Variants in RPTOR observed in about 807,000 individuals in gnomAD.
The protein encoded by RPTOR is regulatory associated protein of MTOR complex 1.
In RPTOR, 21 loss-of-function variants were observed where a neutral mutation model predicts 169.9. The observed-to-expected ratio is 0.12, with a 90% confidence interval of 0.09 to 0.18. RPTOR has a LOEUF of 0.18. RPTOR is among the 10% of genes least tolerant of loss of function. The probability of loss-of-function intolerance (pLI) is 1.00; values close to 1 mark genes in which losing one functional copy is unlikely to be tolerated. For missense variants in RPTOR, 1,133 were observed against 1,855.9 expected, an observed-to-expected ratio of 0.61 and a Z score of 7.16; for synonymous variants, 732 against 753.2, an observed-to-expected ratio of 0.97 and a Z score of 0.46.
intron 7 of RPTOR, 45 bp downstream of exon 7, chr17:80,791,554 G>A (rs2067049260): frequency 6.4e-7 from 1 of 1,559,246 alleles, no homozygotes; most frequent in East Asian, 2.2e-5. Flanking sequence ...GATCTGATGA[G>A]TTTCTTTTCC....
intron 4 of RPTOR, among the ~76,000 whole-genome samples, chr17:80,718,148 C>T (rs184233930): frequency 1.8e-3 from 270 of 152,352 alleles, no homozygotes; most frequent in Admixed American, 3.6e-3. Flanking sequence ...ATGGTGCCCT[C>T]TCTAGGTAGG....
intron 20 of RPTOR, among the ~76,000 whole-genome samples, 198 bp from the exon 21 acceptor site, chr17:80,908,613 G>C (rs2068573842): frequency 6.6e-6 from 1 of 152,186 alleles, no homozygotes; most frequent in African/African-American, 2.4e-5. Context: ...GAATCCATGT[G>C]ATCAAGCCTA....
chr17:80,546,408 G>A lies in RPTOR; in HGVS notation c.162+617G>A, dbSNP rs550198346. ...TTAATCGTGAGTTAGGGTATGAGGCGTCGAGACTTGGGTGCAGGTTTTAGG... is the reference window on the plus strand; with the variant it reads ...TTAATCGTGAGTTAGGGTATGAGGCATCGAGACTTGGGTGCAGGTTTTAGG... On this transcript the variant is annotated intron_variant, in intron 1 of 33. Coordinates refer to ENST00000306801, the MANE Select transcript of RPTOR (RefSeq NM_020761.3). Among the ~76,000 whole-genome samples, 5 of 152,252 alleles carry A rather than the reference G, an allele frequency of 3.3e-5. No homozygotes were observed. In the South Asian group the frequency reaches 6.2e-4, roughly 19 times the overall value.
At chr17:80,734,413 G>A (rs2066418225) in intron 5 of RPTOR, among the ~76,000 whole-genome samples, 2 of 152,136 alleles carry the variant, frequency 1.3e-5, no homozygotes, top group Non-Finnish European at 2.9e-5. Context: ...TTTCTCCTTT[G>A]TTCTCCTAGG....
intron 16 of RPTOR, among the ~76,000 whole-genome samples, 158 bp from the exon 17 acceptor site, chr17:80,884,850 G>A (rs902888407): frequency 5.3e-5 from 8 of 152,182 alleles, no homozygotes; most frequent in African/African-American, 1.2e-4. Flanking sequence ...CTCCTTCCCC[G>A]TTGCCACTCT....
intron 5 of RPTOR, among the ~76,000 whole-genome samples, chr17:80,742,609 C>CCACACACACA (rs906020574): frequency 6.6e-6 from 1 of 151,202 alleles, no homozygotes; most frequent in Non-Finnish European, 1.5e-5. Flanking sequence ...TGCATAGATG[C>CCACACACACA]CACACACATA....
intron 24 of RPTOR, among the ~76,000 whole-genome samples, chr17:80,939,666 C>T (rs1243817539): frequency 1.3e-5 from 2 of 152,232 alleles, no homozygotes; most frequent in African/African-American, 4.8e-5. Flanking sequence ...CCTGGCCTCT[C>T]ATGAGGCTGT....
chr17:80,551,645 A>G (rs1440544155), intron 1 of RPTOR, among the ~76,000 whole-genome samples: 2 of 152,110 alleles, frequency 1.3e-5, no homozygotes. Flanking sequence ...CGGGTTTTAT[A>G]CCGAGACATT....
At chr17:80,584,282 G>A (rs28434589) in intron 1 of RPTOR, among the ~76,000 whole-genome samples, 44,518 of 151,822 alleles carry the variant, frequency 0.29, 6,627 homozygotes, top group Middle Eastern at 0.36. Context: ...GTCACCTGGG[G>A]GTTTCAGAGG....
intron 13 of RPTOR, among the ~76,000 whole-genome samples, chr17:80,875,705 C>T: frequency 6.6e-6 from 1 of 152,004 alleles, no homozygotes; most frequent in East Asian, 1.9e-4. Flanking sequence ...TGTGTGTCGC[C>T]TGCCGGGTCT....
chr17:80,945,050 TGAG>T (rs1488280474), intron 25 of RPTOR, among the ~76,000 whole-genome samples: 1 of 150,444 alleles, frequency 6.6e-6, no homozygotes, highest in Non-Finnish European at 1.5e-5. Context: ...TCCCAACACT[TGAG>T]GAGGCCGAGG....
rs200595592 is a variant in RPTOR, at chr17:80,864,433, T to TTTC, written c.1509+6535_1509+6537dup. On this transcript the variant is annotated intron_variant, in intron 13 of 33. Coordinates refer to ENST00000306801, the MANE Select transcript of RPTOR (RefSeq NM_020761.3). ...TGGAAAAGGTGAGCGTGATGGCAGG[T>TTTC]TTCTCACAGATTTCCTACAGATGGA... 5.1e-4 allele frequency among the ~76,000 whole-genome samples: 72 copies of TTTC among 142,484 alleles called. 1 individual carries two copies. The highest frequency in any genetic ancestry group is 1.5e-3 in the African/African-American group (56 of 37,436). The allele number at this position is 142,484 out of a possible 152,430, so 93.5% of individuals were successfully genotyped here.
intron 21 of RPTOR, among the ~76,000 whole-genome samples, chr17:80,913,148 G>A (rs1340553708): frequency 6.6e-6 from 1 of 152,166 alleles, no homozygotes; most frequent in East Asian, 1.9e-4. Context: ...TTATTTTCCT[G>A]CTCTAGGAAC....
intron 21 of RPTOR, among the ~76,000 whole-genome samples, chr17:80,914,081 G>A (rs1390660844): frequency 6.6e-6 from 1 of 152,252 alleles, no homozygotes; most frequent in African/African-American, 2.4e-5. Flanking sequence ...GCATGCAGAC[G>A]GAGATGAGAA....
intron 6 of RPTOR, among the ~76,000 whole-genome samples, chr17:80,790,055 C>T (rs2067031610): frequency 6.6e-6 from 1 of 152,112 alleles, no homozygotes; most frequent in Non-Finnish European, 1.5e-5. Flanking sequence ...CTGGGACCAC[C>T]GTAGGAGCTG....
At chr17:80,898,232 G>A (rs1388622738) in intron 20 of RPTOR, among the ~76,000 whole-genome samples, 5 of 152,098 alleles carry the variant, frequency 3.3e-5, no homozygotes, top group East Asian at 1.9e-4. Flanking sequence ...TTTCCCTTGA[G>A]GCTGTCTGCA....
chr17:80,699,444 G>A (rs1267512928), intron 3 of RPTOR, among the ~76,000 whole-genome samples: 2 of 148,820 alleles, frequency 1.3e-5, no homozygotes, highest in East Asian at 2.0e-4. Context: ...CAGTGATGGG[G>A]AGCAAGAGGT....
intron 9 of RPTOR, among the ~76,000 whole-genome samples, chr17:80,835,898 C>A (rs59717247): frequency 0.029 from 4,421 of 152,250 alleles, 229 homozygotes; most frequent in African/African-American, 0.1. Context: ...GTGCTGAGAG[C>A]GAGGTGATGA....
chr17:80,780,786 C>G (rs2143454403), intron 6 of RPTOR, among the ~76,000 whole-genome samples: 1 of 152,258 alleles, frequency 6.6e-6, no homozygotes, highest in South Asian at 2.1e-4. Flanking sequence ...CCCGGGGGGC[C>G]TCACTCACAC....
Sources: gnomAD v4.1 joint callset for allele counts (sites outside exome capture counted in the v4.1 genomes callset) on GRCh38, gnomAD v4.1.1 for gene constraint, MANE v1.5 for transcripts, NCBI Gene and HGNC (gene_info 2026-07-23, HGNC 2026-07-21) for gene names.